DNAH9: variants seen among roughly 807,000 people sequenced by gnomAD.
DNAH9 encodes DNAH9 variant protein.
Under a neutral mutation model 471.6 loss-of-function variants are expected in DNAH9, and 345 were observed. The observed-to-expected ratio is 0.73, with a 90% confidence interval of 0.67 to 0.80. DNAH9 has a LOEUF of 0.80. Ranked by LOEUF, DNAH9 falls within the 30% of genes least tolerant of loss-of-function variation. The pLI, the probability that DNAH9 is intolerant of heterozygous loss-of-function variation, is 0.00. For synonymous variants in DNAH9, 2,093 were observed against 2,123.6 expected (o/e 0.99, Z 0.40); for missense variants, 5,407 against 5,609.2 (o/e 0.96, Z 1.15).
intron 41 of DNAH9, among the ~76,000 whole-genome samples, chr17:11,786,827 C>G (rs753259013): frequency 6.6e-6 from 1 of 152,148 alleles, no homozygotes; most frequent in Non-Finnish European, 1.5e-5. Flanking sequence ...TTCCCCTGGC[C>G]TGTTTCTCTG....
intron 35 of DNAH9, among the ~76,000 whole-genome samples, chr17:11,758,549 T>C (rs962474813): frequency 2.0e-5 from 3 of 152,164 alleles, no homozygotes; most frequent in Non-Finnish European, 2.9e-5. Context: ...AAGTCCATCA[T>C]TGAAGTTGAT....
intron 59 of DNAH9, among the ~76,000 whole-genome samples, chr17:11,896,721 C>T (rs575431712): frequency 9.9e-5 from 15 of 152,132 alleles, no homozygotes; most frequent in African/African-American, 3.4e-4. Context: ...AAAGTAGCAC[C>T]GTCCAAAAGA....
At chr17:11,729,054 T>C (rs1361443128) in intron 28 of DNAH9, among the ~76,000 whole-genome samples, 1 of 152,088 alleles carries the variant, frequency 6.6e-6, no homozygotes, top group Non-Finnish European at 1.5e-5. Context: ...GGAAATGCCT[T>C]CCTCAGCAGG....
intron 55 of DNAH9, 144 bp from the exon 56 acceptor site, chr17:11,883,442 C>T (rs1972789881): frequency 1.7e-6 from 2 of 1,171,816 alleles, no homozygotes; most frequent in South Asian, 3.1e-5. Context: ...CTCCTTGTCT[C>T]CTGCTCATGG....
chr17:11,718,236 C>T (rs2074999609), intron 26 of DNAH9, among the ~76,000 whole-genome samples: 1 of 152,296 alleles, frequency 6.6e-6, no homozygotes, highest in African/African-American at 2.4e-5. Context: ...TTTTGAGGTT[C>T]GTCCATCCTG....
intron 19 of DNAH9, among the ~76,000 whole-genome samples, chr17:11,682,528 T>A (rs1235320293): frequency 6.6e-6 from 1 of 151,912 alleles, no homozygotes; most frequent in African/African-American, 2.4e-5. Flanking sequence ...GCATTATACT[T>A]GGGGTAACAG....
intron 65 of DNAH9, among the ~76,000 whole-genome samples, chr17:11,935,137 T>C (rs1369311032): frequency 1.3e-5 from 2 of 151,298 alleles, no homozygotes; most frequent in Non-Finnish European, 2.9e-5. Context: ...GTTTTTGTAT[T>C]TTTTAGTGGA....
intron 4 of DNAH9, among the ~76,000 whole-genome samples, chr17:11,615,812 A>G (rs2072730392): frequency 6.6e-6 from 1 of 152,214 alleles, no homozygotes; most frequent in African/African-American, 2.4e-5. Flanking sequence ...ATAGCATGAT[A>G]GTCTCAGCCT....
chr17:11,669,562 G>T lies in DNAH9; in HGVS notation c.3121G>T (p.Glu1041Ter). The part of the protein sequence containing the change: ...YGHILTPEEI[E>*]DHVEDGIPEN... ...GCACATCCTCACTCCGGAAGAAATT[G>T]AAGACCATGTGGAAGATGGCATCCC... is the stretch of plus-strand genomic sequence containing the variant. The change falls in exon 17 of 69, where the codon GAA (glutamate) becomes TAA (stop). Residue 1041 changes from glutamate (E) to a stop codon, truncating the protein, a stop_gained. Coordinates refer to ENST00000262442, the MANE Select transcript of DNAH9 (RefSeq NM_001372.4). LOFTEE classifies it high-confidence loss of function. The T allele has an allele frequency of 6.2e-7, 1 of 1,614,126 alleles. No homozygotes were observed. Among genetic ancestry groups the T allele is most frequent in the East Asian group, 2.2e-5 (1 of 44,868 alleles).
At chr17:11,967,127 C>T (rs1976801868) in intron 68 of DNAH9, among the ~76,000 whole-genome samples, 1 of 149,692 alleles carries the variant, frequency 6.7e-6, no homozygotes, top group South Asian at 2.1e-4. Context: ...TTTTTTAAGA[C>T]TAGGTGACTA....
At chr17:11,781,415 G>GA (rs1163243803) in intron 39 of DNAH9, among the ~76,000 whole-genome samples, 6 of 151,810 alleles carry the variant, frequency 4.0e-5, no homozygotes, top group African/African-American at 1.5e-4. Flanking sequence ...CTCATCTAAG[G>GA]AAAAAAAACC....
intron 26 of DNAH9, among the ~76,000 whole-genome samples, chr17:11,714,230 TCATCTAC>T (rs2074921347): frequency 6.6e-6 from 1 of 152,236 alleles, no homozygotes; most frequent in Non-Finnish European, 1.5e-5. Context: ...ACATGGATTT[TCATCTAC>T]CCACATCTCC....
rs140115143 is a variant in DNAH9 at position 11,674,375 on chromosome 17, C to A, written c.3353+4581C>A. Among the ~76,000 whole-genome samples the A allele has an allele frequency of 4.9e-3, 748 of 152,244 alleles. 4 individuals are homozygous for A. The highest frequency in any genetic ancestry group is 8.5e-3 in the Admixed American group (130 of 15,288). On this transcript the variant is annotated intron_variant, in intron 17 of 68. Coordinates refer to ENST00000262442, the MANE Select transcript of DNAH9 (RefSeq NM_001372.4). ...CACCTCTTAGTATTGATAAATTGTT[C>A]AATCCTGGCCACTCTGGTGGGAGTG...
At chr17:11,672,548 G>C (rs2073988374) in intron 17 of DNAH9, among the ~76,000 whole-genome samples, 1 of 152,142 alleles carries the variant, frequency 6.6e-6, no homozygotes, top group Non-Finnish European at 1.5e-5. Flanking sequence ...TGAATTCTCA[G>C]ACAATACCAA....
intron 27 of DNAH9, among the ~76,000 whole-genome samples, chr17:11,727,455 TC>T (rs747189251): frequency 3.3e-5 from 5 of 152,216 alleles, no homozygotes; most frequent in Non-Finnish European, 7.3e-5. Context: ...CGTAAATTTT[TC>T]CATCAGTGCA....
intron 67 of DNAH9, among the ~76,000 whole-genome samples, chr17:11,943,492 C>T (rs1362392832): frequency 6.6e-6 from 1 of 151,992 alleles, no homozygotes. Context: ...CCCTGGCTAG[C>T]ACGGTGAAAC....
At position 11,708,002 on chromosome 17, in the gene DNAH9, CACACACACACACAGAGAG is replaced by C. The variant is rs1409014148; in HGVS notation, c.5552+2819_5552+2836del. ...ACACACACACACACACACACACACA[CACACACACACACAGAGAG>C]AGAGAGAGAGAGAGAGAGAGAGAGA... On this transcript the variant is annotated intron_variant, in intron 26 of 68. Transcript: ENST00000262442. Among the ~76,000 whole-genome samples the C allele has an allele frequency of 5.8e-3, 288 of 49,672 alleles. 2 individuals are homozygous for C. The highest frequency in any genetic ancestry group is 0.015 in the Middle Eastern group (1 of 68). The allele number at this position is 49,672 out of a possible 152,430, so 32.6% of individuals were successfully genotyped here.
At chr17:11,832,685 G>A (rs971715621) in intron 48 of DNAH9, among the ~76,000 whole-genome samples, 10 of 152,030 alleles carry the variant, frequency 6.6e-5, no homozygotes, top group South Asian at 2.1e-4. Flanking sequence ...TATCAACAGC[G>A]TGTAAGCCTC....
Position 11,835,047 on chromosome 17 carries a change from C to T in DNAH9, c.9507+149C>T. On this transcript the variant is annotated intron_variant, in intron 49 of 68. Coordinates refer to ENST00000262442, the MANE Select transcript of DNAH9 (RefSeq NM_001372.4). ...CTGATTTGCTCATTAAGCAAGCAAACATTTCTTAGGACTATCTTTTCGGTT... is the reference window on the plus strand; with the variant it reads ...CTGATTTGCTCATTAAGCAAGCAAATATTTCTTAGGACTATCTTTTCGGTT... The T allele has an allele frequency of 1.8e-5, 20 of 1,114,606 alleles. No homozygotes were observed. The South Asian group carries it at 3.1e-4, about 18-fold the overall frequency. 69.0% of individuals were successfully genotyped at this position (1,114,606 alleles called of 1,614,324 possible). A position where few individuals can be genotyped will look rare whatever the true frequency, so the allele number is the denominator to read the frequency against.
Sources: allele counts gnomAD v4.1 joint callset (sites outside exome capture counted in the v4.1 genomes callset), GRCh38; gene constraint gnomAD v4.1.1; transcripts MANE v1.5; gene names NCBI Gene and HGNC (gene_info 2026-07-23, HGNC 2026-07-21).